ABAT: variants seen among roughly 807,000 people sequenced by gnomAD.
The protein encoded by ABAT is 4-aminobutyrate aminotransferase.
A neutral mutation model predicts 64.6 loss-of-function variants in ABAT; 45 were observed. The ratio of observed to expected loss-of-function variants is 0.70; its 90% CI spans 0.55 to 0.89. ABAT has a LOEUF of 0.89. ABAT is among the 40% of genes least tolerant of loss of function. The probability of loss-of-function intolerance (pLI) is 0.00; values close to 1 mark genes in which losing one functional copy is unlikely to be tolerated. For missense variants in ABAT, 633 were observed against 658.4 expected, an observed-to-expected ratio of 0.96 and a Z score of 0.42; for synonymous variants, 297 against 250.5, an observed-to-expected ratio of 1.19 and a Z score of -1.75.
chr16:8,765,351 A>G (rs117423276), intron 8 of ABAT, among the ~76,000 whole-genome samples: 1 of 150,586 alleles, frequency 6.6e-6, no homozygotes, highest in East Asian at 2.0e-4. Context: ...AAAAAAAAGA[A>G]GAAGAAAATG....
At chr16:8,719,984 G>C (rs911139477) in intron 1 of ABAT, among the ~76,000 whole-genome samples, 6 of 152,086 alleles carry the variant, frequency 3.9e-5, no homozygotes, top group Admixed American at 1.3e-4. Context: ...GCTGATTTCT[G>C]TATTTTTTTG....
At chr16:8,720,614 G>C (rs975433128) in intron 1 of ABAT, 12 of 152,266 alleles carry the variant, frequency 7.9e-5, no homozygotes, top group African/African-American at 2.2e-4. Flanking sequence ...CCCTGAATGG[G>C]GCCCTGTTAA....
At chr16:8,693,382 A>G (rs546204613) in intron 1 of ABAT, among the ~76,000 whole-genome samples, 4 of 150,868 alleles carry the variant, frequency 2.7e-5, no homozygotes, top group African/African-American at 9.7e-5. Context: ...ATTCCAGTAT[A>G]TTTATTGAAA....
In ABAT at chr16:8,691,052, A is replaced by G. The variant is rs1342416776; in HGVS notation, c.-42+16341A>G. On this transcript the variant is annotated intron_variant, in intron 1 of 15. Coordinates refer to ENST00000268251, the MANE Select transcript of ABAT (RefSeq NM_020686.6). ...AGTATTGGCAGTGTGTTGGGGGAAAAAAAAAAACCCTGAAAAATAGAATAC... is the reference window on the plus strand; with the variant it reads ...AGTATTGGCAGTGTGTTGGGGGAAAGAAAAAAACCCTGAAAAATAGAATAC... Among the ~76,000 whole-genome samples, 7 of 152,164 alleles carry G rather than the reference A, an allele frequency of 4.6e-5. No individual in the cohort carries two copies. In the East Asian group the frequency reaches 5.8e-4, roughly 13 times the overall value.
Position 8,784,071 on chromosome 16 carries a change from A to C in ABAT, c.*2641A>C, listed in dbSNP as rs1000134668. The C allele has an allele frequency of 6.6e-6, 1 of 152,522 alleles. No individual in the cohort carries two copies. Among genetic ancestry groups the C allele is most frequent in the Non-Finnish European group, 1.5e-5 (1 of 68,034 alleles). The allele number at this position is 152,522 out of a possible 1,614,324, so 9.4% of individuals were successfully genotyped here. A position where few individuals can be genotyped will look rare whatever the true frequency, so the allele number is the denominator to read the frequency against. On this transcript the variant is annotated 3_prime_UTR_variant, in exon 16 of 16. Transcript: ENST00000268251. ...AAACTCAGCAGAAGCTGGTAAAAAC[A>C]TGGGGAGCCCGGAGGACAGGCTGCT... is the stretch of plus-strand genomic sequence containing the variant.
intron 1 of ABAT, among the ~76,000 whole-genome samples, chr16:8,717,818 C>T (rs2058254704): frequency 6.6e-6 from 1 of 151,532 alleles, no homozygotes; most frequent in Non-Finnish European, 1.5e-5. Flanking sequence ...TCCCAAATCA[C>T]CTCTTTTTTT....
intron 1 of ABAT, among the ~76,000 whole-genome samples, chr16:8,695,581 A>C (rs1183842891): frequency 6.6e-6 from 1 of 152,208 alleles, no homozygotes; most frequent in Non-Finnish European, 1.5e-5. Flanking sequence ...ACTCCACTAC[A>C]TCAGAAGACG....
At position 8,724,123 on chromosome 16, in the gene ABAT, G is replaced by A. The variant is rs867517012; in HGVS notation, c.-41-11576G>A. ...CCCAAAGTGCTGGGATTCCAAGTGTGAGCCACTGCGCCCAGCCCCAAGCTT... is the reference window on the plus strand; with the variant it reads ...CCCAAAGTGCTGGGATTCCAAGTGTAAGCCACTGCGCCCAGCCCCAAGCTT... On this transcript the variant is annotated intron_variant, in intron 1 of 15. Transcript: ENST00000268251. Among the ~76,000 whole-genome samples, 6 of 151,838 alleles carry A rather than the reference G, an allele frequency of 4.0e-5. No individual in the cohort carries two copies. The East Asian group carries it at 1.2e-3, about 29-fold the overall frequency.
chr16:8,762,033 C>G (rs1470908674), intron 6 of ABAT, among the ~76,000 whole-genome samples: 3 of 151,792 alleles, frequency 2.0e-5, no homozygotes, highest in African/African-American at 7.3e-5. Flanking sequence ...CTTTCTCTCT[C>G]TGTCACCCAG....
intron 1 of ABAT, among the ~76,000 whole-genome samples, chr16:8,697,447 C>A (rs573141672): frequency 6.6e-6 from 1 of 152,188 alleles, no homozygotes; most frequent in South Asian, 2.1e-4. Flanking sequence ...CAGTCAATTA[C>A]AAGTGGAAGT....
Position 8,757,818 on chromosome 16 carries a change from G to C in ABAT, c.366+12G>C. 6.2e-7 allele frequency: 1 copy of C among 1,613,736 alleles called. No individual in the cohort carries two copies. The highest frequency in any genetic ancestry group is 8.5e-7 in the Non-Finnish European group (1 of 1,179,720). Reference sequence around the variant, plus strand: ...AGCCTCAAAATGCGGTAGGTCTTGGGGTTACACAGAAGAAAGACAAAATAT... The same window carrying C: ...AGCCTCAAAATGCGGTAGGTCTTGGCGTTACACAGAAGAAAGACAAAATAT... On this transcript the variant is annotated intron_variant, in intron 6 of 15. Transcript: ENST00000268251.
At chr16:8,729,827 T>C (rs1230683919) in intron 1 of ABAT, among the ~76,000 whole-genome samples, 1 of 17,204 alleles carries the variant, frequency 5.8e-5, no homozygotes, top group East Asian at 7.0e-4. Flanking sequence ...CTTTTTTGTC[T>C]TAAAAAAAAA....
At chr16:8,679,192 T>G (rs146153144) in intron 1 of ABAT, among the ~76,000 whole-genome samples, 1 of 152,156 alleles carries the variant, frequency 6.6e-6, no homozygotes, top group South Asian at 2.1e-4. Context: ...TAATTAATCA[T>G]AAGATAAAAA....
At chr16:8,767,518 G>T (rs750410465) in intron 9 of ABAT, among the ~76,000 whole-genome samples, 2 of 152,186 alleles carry the variant, frequency 1.3e-5, no homozygotes, top group Non-Finnish European at 1.5e-5. Flanking sequence ...TGTAGAAAAG[G>T]GGCTGAAAAC....
chr16:8,742,796 G>A (rs1001798111), intron 2 of ABAT, among the ~76,000 whole-genome samples: 8 of 149,794 alleles, frequency 5.3e-5, no homozygotes, highest in African/African-American at 4.9e-5. Context: ...AAACCGGGAT[G>A]CAGAGGTTGC....
At chr16:8,690,586 A>T (rs761952792) in intron 1 of ABAT, among the ~76,000 whole-genome samples, 11 of 152,216 alleles carry the variant, frequency 7.2e-5, no homozygotes, top group Admixed American at 6.5e-5. Context: ...GGATTCTGAG[A>T]TGTTTCCAAT....
intron 11 of ABAT, among the ~76,000 whole-genome samples, 160 bp downstream of exon 11, chr16:8,769,133 G>A (rs11862060): frequency 0.36 from 54,196 of 152,020 alleles, 10,153 homozygotes; most frequent in Non-Finnish European, 0.41. Context: ...CGTCCCAAAT[G>A]TTCTATGTTG....
At chr16:8,765,555 C>T (rs1405269286) in intron 8 of ABAT, among the ~76,000 whole-genome samples, 1 of 146,620 alleles carries the variant, frequency 6.8e-6, no homozygotes, top group Non-Finnish European at 1.5e-5. Flanking sequence ...GTCCCAGCTA[C>T]TTGGAAGGCT....
rs1259099216 is a variant in ABAT, at chr16:8,779,344, C to A, written c.1270-135C>A. The A allele has an allele frequency of 5.5e-6, 4 of 732,712 alleles. No individual in the cohort carries two copies. The East Asian group carries it at 8.1e-5, about 15-fold the overall frequency. The allele number at this position is 732,712 out of a possible 1,614,324, so 45.4% of individuals were successfully genotyped here. ...GCCTGAATGTCCCCAGAGCTCTTAA[C>A]CCCCTGGAGGTCCTGCCAGTCCATG... On this transcript the variant is annotated intron_variant, in intron 14 of 15. Transcript: ENST00000268251.
Sources: gnomAD v4.1 joint callset for allele counts (sites outside exome capture counted in the v4.1 genomes callset) on GRCh38, gnomAD v4.1.1 for gene constraint, MANE v1.5 for transcripts, NCBI Gene and HGNC (gene_info 2026-07-23, HGNC 2026-07-21) for gene names.